Variants in ENTPD1 observed in about 807,000 individuals in gnomAD.
ENTPD1 encodes ectonucleoside triphosphate diphosphohydrolase 1, also known as ATP diphosphohydrolase.
In ENTPD1, 33 loss-of-function variants were observed where a neutral mutation model predicts 57.0. The ratio of observed to expected loss-of-function variants is 0.58; its 90% CI spans 0.44 to 0.77. The LOEUF (loss-of-function observed/expected upper bound fraction) is 0.77, where lower values mean the gene tolerates loss of function less well. ENTPD1 is among the 30% of genes least tolerant of loss of function. The pLI is 0.00. For synonymous variants in ENTPD1, 202 were observed against 218.8 expected, an observed-to-expected ratio of 0.92 and a Z score of 0.68; for missense variants, 501 against 603.4, an observed-to-expected ratio of 0.83 and a Z score of 1.78.
At chr10:95,833,447 T>C (rs972886001) in intron 2 of ENTPD1, 12 of 152,230 alleles carry the variant, frequency 7.9e-5, no homozygotes, top group African/African-American at 2.9e-4. Context: ...TATAGAGTAC[T>C]AGAGTCTTAC....
At chr10:95,779,970 C>A (rs899174138) in intron 1 of ENTPD1, among the ~76,000 whole-genome samples, 3 of 152,052 alleles carry the variant, frequency 2.0e-5, no homozygotes, top group Non-Finnish European at 4.4e-5. Flanking sequence ...TAGTTCGATA[C>A]AACTAGGAGG....
At chr10:95,711,837 C>CT in exon 1 of ENTPD1, 3 of 1,455,802 alleles carry the variant, frequency 2.1e-6, no homozygotes, top group Middle Eastern at 2.4e-4. Context: ...ATTAACCTGC[C>CT]TTTTTTGTCA....
intron 1 of ENTPD1, among the ~76,000 whole-genome samples, chr10:95,739,308 G>A (rs1339840375): frequency 1.3e-5 from 2 of 152,184 alleles, no homozygotes. Flanking sequence ...TTTCTCTGTA[G>A]CATGTGATGC....
intron 2 of ENTPD1, among the ~76,000 whole-genome samples, chr10:95,830,029 G>T (rs1371320218): frequency 6.6e-6 from 1 of 152,136 alleles, no homozygotes; most frequent in Non-Finnish European, 1.5e-5. Flanking sequence ...CCACCAGCAA[G>T]AAGGCCCTCC....
At chr10:95,707,902 G>C (rs977680368), upstream of ENTPD1, among the ~76,000 whole-genome samples, 2 of 152,138 alleles carry the variant, frequency 1.3e-5, no homozygotes, top group African/African-American at 4.8e-5. Context: ...ACCTCTCCTA[G>C]CCATCACTTT....
chr10:95,774,984 G>A (rs2098128576), intron 1 of ENTPD1, among the ~76,000 whole-genome samples: 3 of 152,110 alleles, frequency 2.0e-5, no homozygotes, highest in Non-Finnish European at 4.4e-5. Flanking sequence ...TCTTCCATTT[G>A]TTTGTGTCCT....
At chr10:95,801,380 G>A (rs981485595) in intron 1 of ENTPD1, among the ~76,000 whole-genome samples, 13 of 151,904 alleles carry the variant, frequency 8.6e-5, no homozygotes, top group Non-Finnish European at 1.3e-4. Flanking sequence ...TTTGTATATG[G>A]TATAAGGAAG....
intron 1 of ENTPD1, among the ~76,000 whole-genome samples, chr10:95,760,481 C>G (rs983520146): frequency 6.6e-6 from 1 of 152,212 alleles, no homozygotes; most frequent in African/African-American, 2.4e-5. Context: ...TTATCCTTCA[C>G]TATGGGTCGT....
Position 95,845,503 on chromosome 10 carries a change from C to T in ENTPD1, c.720C>T (p.Arg240=), listed in dbSNP as rs2098433417. ...IESPDNALQF[R]LYGKDYNVYT... is the part of the protein sequence containing the mutation. ...CCCCAGATAATGCTCTGCAATTTCGCCTCTATGGCAAGGACTACAATGTCT... is the reference window on the plus strand; with the variant it reads ...CCCCAGATAATGCTCTGCAATTTCGTCTCTATGGCAAGGACTACAATGTCT... Residue 240 remains arginine, a synonymous_variant, in exon 6 of 10, where the codon CGC becomes CGT. Coordinates refer to ENST00000371205, the MANE Select transcript of ENTPD1 (RefSeq NM_001776.6). 1 of 1,614,208 alleles carries T rather than the reference C, an allele frequency of 6.2e-7. No individual in the cohort carries two copies. Among genetic ancestry groups the T allele is most frequent in the Non-Finnish European group, 8.5e-7 (1 of 1,180,036 alleles).
chr10:95,869,794 C>A lies in ENTPD1; in HGVS notation c.*3411C>A. On this transcript the variant is annotated 3_prime_UTR_variant, in exon 10 of 10. Coordinates refer to ENST00000371205, the MANE Select transcript of ENTPD1 (RefSeq NM_001776.6). Reference sequence around the variant, plus strand: ...AGAGTTTTCAGAAAGCAACTAAATCCAAAATACTATCAAGGAATCAATATA... The same window carrying A: ...AGAGTTTTCAGAAAGCAACTAAATCAAAAATACTATCAAGGAATCAATATA... The A allele has an allele frequency of 1.4e-6, 1 of 723,510 alleles. No individual in the cohort carries two copies. The highest frequency in any genetic ancestry group is 1.7e-6 in the Non-Finnish European group (1 of 591,296). 44.8% of individuals were successfully genotyped at this position (723,510 alleles called of 1,614,324 possible).
At chr10:95,844,393 C>T in intron 4 of ENTPD1, 83 bp from the exon 5 acceptor site, 1 of 1,578,940 alleles carries the variant, frequency 6.3e-7, no homozygotes, top group Non-Finnish European at 8.7e-7. Context: ...CTTAGTAGCA[C>T]TGTGTGGATG....
chr10:95,698,128 A>G, the ENTPD1 span, among the ~76,000 whole-genome samples: 4 of 152,160 alleles, frequency 2.6e-5, no homozygotes, highest in Admixed American at 6.5e-5. Flanking sequence ...TTTGAGATGG[A>G]ACTGAGGAAG....
At chr10:95,755,953 C>A, upstream of ENTPD1, 3 of 1,471,564 alleles carry the variant, frequency 2.0e-6, no homozygotes, top group Non-Finnish European at 2.7e-6. Context: ...TTTGAATATA[C>A]ATTGCTTCAA....
At chr10:95,718,719 A>G (rs987609351) in intron 1 of ENTPD1, among the ~76,000 whole-genome samples, 2 of 152,112 alleles carry the variant, frequency 1.3e-5, no homozygotes, top group African/African-American at 4.8e-5. Flanking sequence ...GAGCGAGGGG[A>G]TTACTTTCAA....
intron 9 of ENTPD1, 86 bp downstream of exon 9, chr10:95,864,947 T>C: frequency 1.3e-6 from 2 of 1,488,876 alleles, no homozygotes; most frequent in Non-Finnish European, 1.8e-6. Context: ...AAGGGGGGAG[T>C]CAGCATGGTG....
rs2098485428 is a variant in ENTPD1, at chr10:95,876,049, TATC to T, written c.*9669_*9671del. 2.0e-6 allele frequency: 2 copies of T among 985,164 alleles called. No individual in the cohort carries two copies. The highest frequency in any genetic ancestry group is 1.7e-5 in the African/African-American group (1 of 57,214). 61.0% of individuals were successfully genotyped at this position (985,164 alleles called of 1,614,324 possible). A position where few individuals can be genotyped will look rare whatever the true frequency, so the allele number is the denominator to read the frequency against. ...TAATTATTTGCAAAATGAGTAAACA[TATC>T]ATAAGGAAATTATTTTTACAAGGTT... is the stretch of plus-strand genomic sequence containing the variant. On this transcript the variant is annotated 3_prime_UTR_variant, in exon 10 of 10. Transcript: ENST00000371205.
chr10:95,858,012 G>A (rs71482383), intron 7 of ENTPD1, among the ~76,000 whole-genome samples: 1 of 152,104 alleles, frequency 6.6e-6, no homozygotes, highest in Non-Finnish European at 1.5e-5. Flanking sequence ...ATACAAATTA[G>A]CCGGGCGTGG....
chr10:95,769,949 G>A (rs1253368741), intron 1 of ENTPD1, among the ~76,000 whole-genome samples: 1 of 152,098 alleles, frequency 6.6e-6, no homozygotes, highest in South Asian at 2.1e-4. Context: ...TCAGGATCTC[G>A]GTTTTGGGTG....
At chr10:95,852,266 G>T (rs377107228) in intron 7 of ENTPD1, among the ~76,000 whole-genome samples, 46 of 152,170 alleles carry the variant, frequency 3.0e-4, no homozygotes, top group African/African-American at 9.9e-4. Flanking sequence ...CGCCCACTTT[G>T]TGATGGGGTT....
Sources: gnomAD v4.1 joint callset for allele counts (sites outside exome capture counted in the v4.1 genomes callset) on GRCh38, gnomAD v4.1.1 for gene constraint, MANE v1.5 for transcripts, NCBI Gene and HGNC (gene_info 2026-07-23, HGNC 2026-07-21) for gene names.